Variants in ATP2B1 observed in about 807,000 individuals in gnomAD.
ATP2B1 encodes ATPase plasma membrane Ca2+ transporting 1.
In ATP2B1, 14 loss-of-function variants were observed where a neutral mutation model predicts 124.2. That is an observed-to-expected ratio of 0.11 (90% CI 0.07 to 0.18). ATP2B1 has a LOEUF of 0.18. Among genes scored for constraint, ATP2B1 ranks in the 10% least tolerant of loss-of-function variants. The pLI is 1.00. For missense variants in ATP2B1, 763 were observed against 1,466.1 expected, an observed-to-expected ratio of 0.52 and a Z score of 7.83; for synonymous variants, 449 against 492.4, an observed-to-expected ratio of 0.91 and a Z score of 1.17.
intron 2 of ATP2B1, among the ~76,000 whole-genome samples, chr12:89,655,091 A>T (rs1885796146): frequency 6.6e-6 from 1 of 152,206 alleles, no homozygotes; most frequent in African/African-American, 2.4e-5. Context: ...AATTTATGAA[A>T]CCAAAGGCTT....
intron 12 of ATP2B1, among the ~76,000 whole-genome samples, chr12:89,612,517 T>C (rs1878199006): frequency 6.6e-6 from 1 of 152,032 alleles, no homozygotes; most frequent in Non-Finnish European, 1.5e-5. Context: ...GAGACCCCAG[T>C]GTTAACAGAA....
Position 89,655,708 on chromosome 12 carries a change from C to T in ATP2B1, c.179G>A (p.Cys60Tyr). Residue 60 changes from cysteine (C) to tyrosine (Y), a missense_variant, in exon 2 of 21, where the codon TGC (cysteine) becomes TAC (tyrosine). Coordinates refer to ENST00000428670, the MANE Select transcript of ATP2B1 (RefSeq NM_001366521.1). Reference protein sequence around the residue: ...QESYGDVYGICTKLKTSPNEG... With the variant: ...QESYGDVYGIYTKLKTSPNEG... ...ATTGGGAGATGTTTTCAATTTGGTG[C>T]AAATTCCATAGACATCTCCATAGCT... 1 of 1,614,074 alleles carries T rather than the reference C, an allele frequency of 6.2e-7. No homozygotes were observed. Among genetic ancestry groups the T allele is most frequent in the Non-Finnish European group, 8.5e-7 (1 of 1,179,990 alleles).
intron 1 of ATP2B1, among the ~76,000 whole-genome samples, chr12:89,681,039 G>GA (rs916283720): frequency 1.3e-5 from 2 of 152,156 alleles, no homozygotes; most frequent in African/African-American, 4.8e-5. Flanking sequence ...ATTTATTAGA[G>GA]AGTGAAATTC....
chr12:89,652,130 C>T lies in ATP2B1; in HGVS notation c.208+3549G>A, dbSNP rs181175399. On this transcript the variant is annotated intron_variant, in intron 2 of 20. Coordinates refer to ENST00000428670, the MANE Select transcript of ATP2B1 (RefSeq NM_001366521.1). ...CTAGTTGTCTTGTGAACTGTCTCCC[C>T]ATGTGAACATGTGAAAATTAGGCAG... Among the ~76,000 whole-genome samples, 150 of 152,298 alleles carry T rather than the reference C, an allele frequency of 9.8e-4. 2 individuals are homozygous for T. The highest frequency in any genetic ancestry group is 4.9e-4 in the Non-Finnish European group (33 of 68,030).
intron 1 of ATP2B1, among the ~76,000 whole-genome samples, chr12:89,706,362 T>C (rs533312299): frequency 1.2e-3 from 184 of 151,830 alleles, no homozygotes; most frequent in African/African-American, 4.3e-3. Flanking sequence ...TTAGAATCTG[T>C]TAATAGGCCT....
chr12:89,674,360 C>CA (rs1215129032), intron 1 of ATP2B1, among the ~76,000 whole-genome samples: 1,667 of 70,678 alleles, frequency 0.024, 16 homozygotes, highest in East Asian at 0.048. Flanking sequence ...TTAGAATTGG[C>CA]AAAAAAAAAA....
chr12:89,654,584 C>T (rs916855477), intron 2 of ATP2B1, among the ~76,000 whole-genome samples: 2 of 152,058 alleles, frequency 1.3e-5, no homozygotes, highest in African/African-American at 4.8e-5. Context: ...TCAGAGAAAT[C>T]AAAGTAACTA....
chr12:89,598,899 G>C (rs879090481), intron 20 of ATP2B1, among the ~76,000 whole-genome samples: 2 of 152,078 alleles, frequency 1.3e-5, no homozygotes, highest in African/African-American at 4.8e-5. Context: ...GGGGATGGGG[G>C]AGCTAGGAAA....
chr12:89,617,075 T>C (rs751547947), intron 11 of ATP2B1, 36 bp from the exon 12 acceptor site: 3 of 1,525,546 alleles, frequency 2.0e-6, no homozygotes, highest in Admixed American at 3.4e-5. Flanking sequence ...ATCAATAATT[T>C]AAAAAAATAA....
intron 1 of ATP2B1, among the ~76,000 whole-genome samples, chr12:89,661,827 G>A (rs1219776025): frequency 6.6e-6 from 1 of 152,056 alleles, no homozygotes; most frequent in Non-Finnish European, 1.5e-5. Flanking sequence ...AAGAGCGAGA[G>A]CTAGCCTACA....
intron 1 of ATP2B1, among the ~76,000 whole-genome samples, chr12:89,672,580 T>A (rs943864979): frequency 6.6e-6 from 1 of 152,224 alleles, no homozygotes; most frequent in Non-Finnish European, 1.5e-5. Flanking sequence ...TCTTGCCTTG[T>A]ACACGTCTCT....
chr12:89,632,964 A>G (rs1882107831), intron 5 of ATP2B1, among the ~76,000 whole-genome samples: 1 of 152,196 alleles, frequency 6.6e-6, no homozygotes, highest in Admixed American at 6.5e-5. Context: ...GCTAAGCACT[A>G]TGTAAATAAG....
intron 1 of ATP2B1, among the ~76,000 whole-genome samples, chr12:89,661,328 T>C (rs1031284881): frequency 6.6e-6 from 1 of 152,216 alleles, no homozygotes; most frequent in African/African-American, 2.4e-5. Flanking sequence ...AACACTATTT[T>C]AAAAAGACTT....
chr12:89,633,760 T>C (rs1256329992), intron 5 of ATP2B1, among the ~76,000 whole-genome samples: 1 of 152,122 alleles, frequency 6.6e-6, no homozygotes, highest in Non-Finnish European at 1.5e-5. Flanking sequence ...GCAGCAATCA[T>C]CTGACAATGT....
chr12:89,702,401 G>C (rs1425207604), intron 1 of ATP2B1, among the ~76,000 whole-genome samples: 1 of 152,100 alleles, frequency 6.6e-6, no homozygotes, highest in Non-Finnish European at 1.5e-5. Flanking sequence ...AAAAACAAAA[G>C]AAAATTCTGG....
intron 2 of ATP2B1, among the ~76,000 whole-genome samples, chr12:89,645,599 A>T (rs1463036369): frequency 6.6e-6 from 1 of 152,224 alleles, no homozygotes; most frequent in Non-Finnish European, 1.5e-5. Flanking sequence ...GTCAAGGGTG[A>T]GAAGACTTTC....
At chr12:89,642,093 T>C (rs1371846193) in intron 3 of ATP2B1, 65 bp downstream of exon 3, 2 of 1,443,512 alleles carry the variant, frequency 1.4e-6, no homozygotes, top group Non-Finnish European at 1.9e-6. Context: ...ATTATTATTG[T>C]GCATTAACTA....
At position 89,681,498 on chromosome 12, in the gene ATP2B1, A is replaced by G. The variant is rs1045532528; in HGVS notation, c.-221-25391T>C. Among the ~76,000 whole-genome samples the G allele has an allele frequency of 8.0e-5, 12 of 150,898 alleles. 1 individual carries two copies. Among genetic ancestry groups the G allele is most frequent in the African/African-American group, 1.5e-4 (6 of 40,588 alleles). ...CAGACTCAAGTGATTCTCGTGCCTCAGCCTCCTGAGTGGCTGGGATTACAG... is the reference window on the plus strand; with the variant it reads ...CAGACTCAAGTGATTCTCGTGCCTCGGCCTCCTGAGTGGCTGGGATTACAG... On this transcript the variant is annotated intron_variant, in intron 1 of 20. Coordinates refer to ENST00000428670, the MANE Select transcript of ATP2B1 (RefSeq NM_001366521.1).
At chr12:89,618,089 G>T (rs1314265865) in intron 11 of ATP2B1, among the ~76,000 whole-genome samples, 1 of 150,672 alleles carries the variant, frequency 6.6e-6, no homozygotes, top group Non-Finnish European at 1.5e-5. Context: ...GTCTCTAGTT[G>T]ATTTTTTTTT....
Sources: allele counts gnomAD v4.1 joint callset (sites outside exome capture counted in the v4.1 genomes callset), GRCh38; gene constraint gnomAD v4.1.1; transcripts MANE v1.5; gene names NCBI Gene and HGNC (gene_info 2026-07-23, HGNC 2026-07-21).